ZNF718: variants seen among roughly 807,000 people sequenced by gnomAD.
ZNF718 encodes zinc finger protein 718.
In ZNF718, 3 loss-of-function variants were observed where a neutral mutation model predicts 2.6. The ratio of observed to expected loss-of-function variants is 1.16; its 90% CI spans 0.53 to 3.01. The LOEUF (loss-of-function observed/expected upper bound fraction) is 3.01, where lower values mean the gene tolerates loss of function less well. Among genes scored for constraint, ZNF718 ranks in the 30% most tolerant of loss-of-function variants. The probability of loss-of-function intolerance (pLI) is 0.03; values close to 1 mark genes in which losing one functional copy is unlikely to be tolerated. For synonymous variants in ZNF718, 135 were observed against 77.9 expected (o/e 1.73, Z -3.86); for missense variants, 468 against 230.0 (o/e 2.03, Z -6.69).
intron 1 of ZNF718, among the ~76,000 whole-genome samples, chr4:125,966 T>C (rs66898918): frequency 0.78 from 118,344 of 152,180 alleles, 46,368 homozygotes; most frequent in East Asian, 0.96. Context: ...TTCTGGACCA[T>C]CTGATCTTAA....
intron 3 of ZNF718, among the ~76,000 whole-genome samples, chr4:137,701 C>A (rs984542068): frequency 4.6e-5 from 7 of 151,628 alleles, no homozygotes; most frequent in Admixed American, 4.6e-4. Flanking sequence ...TCTTTGTTGA[C>A]TTTTTGGAGT....
intron 3 of ZNF718, among the ~76,000 whole-genome samples, chr4:194,180 T>A (rs1284666057): frequency 6.6e-6 from 1 of 152,186 alleles, no homozygotes; most frequent in African/African-American, 2.4e-5. Context: ...TCTTGAAGTA[T>A]TTTTCTAATG....
At chr4:187,282 A>G (rs1717588851) in intron 3 of ZNF718, among the ~76,000 whole-genome samples, 1 of 151,794 alleles carries the variant, frequency 6.6e-6, no homozygotes, top group African/African-American at 2.4e-5. Context: ...GCTGGAGTGC[A>G]GTGGTGTGAT....
intron 3 of ZNF718, among the ~76,000 whole-genome samples, chr4:158,988 G>T (rs1268474260): frequency 2.7e-5 from 4 of 146,680 alleles, no homozygotes; most frequent in African/African-American, 1.0e-4. Context: ...TTTTAGGACA[G>T]TTTTGCTGGT....
chr4:161,805 A>G lies in ZNF718; in HGVS notation c.1120A>G (p.Lys374Glu), dbSNP rs1553815372. ...EKPYTCEECG[K>E]AFNWSSTLNV... ...ACCCTACACATGTGAAGAATGTGGA[A>G]AAGCCTTTAATTGGTCCTCAACCCT... Residue 374 changes from lysine to glutamate, a missense_variant, in exon 4 of 4, where the codon AAA becomes GAA. Physicochemically the swap from Lys to Glu is moderately conservative, Grantham distance 56. Coordinates refer to ENST00000510175, the MANE Select transcript of ZNF718 (RefSeq NM_001039127.6). The G allele has an allele frequency of 1.3e-6, 1 of 780,938 alleles. No individual in the cohort carries two copies. The highest frequency in any genetic ancestry group is 1.3e-5 in the South Asian group (1 of 74,620). The allele number at this position is 780,938 out of a possible 1,614,324, so 48.4% of individuals were successfully genotyped here.
chr4:153,523 ATAAT>A (rs1435701083), intron 3 of ZNF718, among the ~76,000 whole-genome samples: 1 of 152,178 alleles, frequency 6.6e-6, no homozygotes, highest in Non-Finnish European at 1.5e-5. Context: ...AACTTTCATA[ATAAT>A]TTTTCAATTC....
At chr4:173,151 A>G (rs1717274115) in intron 3 of ZNF718, among the ~76,000 whole-genome samples, 1 of 152,184 alleles carries the variant, frequency 6.6e-6, no homozygotes, top group East Asian at 1.9e-4. Flanking sequence ...ACTGACATGT[A>G]CTTGGGAACA....
At chr4:140,009 G>A (rs1194965805) in intron 3 of ZNF718, among the ~76,000 whole-genome samples, 2 of 152,068 alleles carry the variant, frequency 1.3e-5, no homozygotes, top group Admixed American at 6.6e-5. Flanking sequence ...GCCCAGAAGG[G>A]GGAATGACTT....
intron 3 of ZNF718, among the ~76,000 whole-genome samples, chr4:170,483 A>G (rs577612855): frequency 1.7e-3 from 263 of 152,282 alleles, no homozygotes; most frequent in African/African-American, 5.9e-3. Flanking sequence ...TTTCAGGTAC[A>G]CCAATCAGAC....
At chr4:201,786 T>C in exon 5 of ZNF718, 1 of 189,490 alleles carries the variant, frequency 5.3e-6, no homozygotes, top group Non-Finnish European at 1.2e-5. Flanking sequence ...ATGCCACTGG[T>C]CTCCATTCCT....
At chr4:182,843 G>A (rs868991943) in intron 3 of ZNF718, among the ~76,000 whole-genome samples, 5 of 152,114 alleles carry the variant, frequency 3.3e-5, no homozygotes, top group Non-Finnish European at 5.9e-5. Flanking sequence ...ACTTTCAAAT[G>A]GGGATGTTTG....
At position 159,257 on chromosome 4, in the gene ZNF718, C is replaced by T. The variant is rs186370873; in HGVS notation, c.227-1655C>T. Among the ~76,000 whole-genome samples, 10 of 152,040 alleles carry T rather than the reference C, an allele frequency of 6.6e-5. No individual in the cohort carries two copies. In the East Asian group the frequency reaches 9.7e-4, roughly 15 times the overall value. ...TTCACCATGTTGGCAAGGATGGTCT[C>T]GAACTCCTGACCTTGTGATCTGCCC... is the stretch of plus-strand genomic sequence containing the variant. On this transcript the variant is annotated intron_variant, in intron 3 of 3. Coordinates refer to ENST00000510175, the MANE Select transcript of ZNF718 (RefSeq NM_001039127.6).
At chr4:192,570 A>G (rs1377258995) in intron 3 of ZNF718, among the ~76,000 whole-genome samples, 1 of 152,074 alleles carries the variant, frequency 6.6e-6, no homozygotes, top group Non-Finnish European at 1.5e-5. Flanking sequence ...AGGAAAACCC[A>G]AGTGCTGTTG....
At chr4:193,298 T>G (rs782454078) in intron 3 of ZNF718, among the ~76,000 whole-genome samples, 4 of 152,120 alleles carry the variant, frequency 2.6e-5, no homozygotes, top group Admixed American at 6.5e-5. Context: ...TTGCCACCTC[T>G]TTAGGTTTCT....
chr4:153,577 A>G (rs149443338), intron 3 of ZNF718, among the ~76,000 whole-genome samples: 303 of 95,022 alleles, frequency 3.2e-3, no homozygotes, highest in African/African-American at 0.011. Flanking sequence ...ATTTTTATCA[A>G]TGATTTATAA....
chr4:151,856 G>A (rs1170815620), intron 3 of ZNF718, among the ~76,000 whole-genome samples: 4 of 150,442 alleles, frequency 2.7e-5, no homozygotes, highest in South Asian at 2.1e-4. Context: ...AAGGGGACCC[G>A]GGGAACCAGC....
intron 3 of ZNF718, among the ~76,000 whole-genome samples, chr4:186,165 G>T (rs189257523): frequency 6.6e-6 from 1 of 152,200 alleles, no homozygotes; most frequent in African/African-American, 2.4e-5. Context: ...AGGAGATCTT[G>T]TCTGGCAAGT....
downstream of ZNF718, among the ~76,000 whole-genome samples, chr4:166,641 A>G (rs1022455186): frequency 2.0e-5 from 3 of 152,148 alleles, no homozygotes; most frequent in Admixed American, 1.3e-4. Context: ...GGCTACCTAA[A>G]TGTCTTCTTT....
chr4:166,355 G>A (rs1358620785), downstream of ZNF718, among the ~76,000 whole-genome samples: 2 of 152,174 alleles, frequency 1.3e-5, no homozygotes, highest in Admixed American at 6.5e-5. Flanking sequence ...AATCCTTTGG[G>A]TATATACCCA....
Sources: gnomAD v4.1 joint callset for allele counts (sites outside exome capture counted in the v4.1 genomes callset) on GRCh38, gnomAD v4.1.1 for gene constraint, MANE v1.5 for transcripts, NCBI Gene and HGNC (gene_info 2026-07-23, HGNC 2026-07-21) for gene names.